Variants in FMN2 observed in about 807,000 individuals in gnomAD.
The protein encoded by FMN2 is formin 2, also known as formin-2.
FMN2 carries 51 observed loss-of-function variants against 142.3 expected under a neutral mutation model. The observed-to-expected ratio is 0.36, with a 90% CI of 0.29 to 0.45. The LOEUF (loss-of-function observed/expected upper bound fraction) is 0.45. FMN2 is among the 20% of genes least tolerant of loss of function. The probability of loss-of-function intolerance (pLI) is 1.00; values close to 1 mark genes in which losing one functional copy is unlikely to be tolerated. For missense variants in FMN2, 1,936 were observed against 2,122.8 expected (o/e 0.91, Z 1.73); for synonymous variants, 882 against 869.8 (o/e 1.01, Z -0.25).
chr1:240,188,682 T>C (rs1283315256), intron 4 of FMN2, among the ~76,000 whole-genome samples: 14 of 152,236 alleles, frequency 9.2e-5, no homozygotes, highest in Admixed American at 9.2e-4. Flanking sequence ...GGATGAAACA[T>C]TAATTAGTAT....
intron 8 of FMN2, among the ~76,000 whole-genome samples, chr1:240,305,951 G>GTT (rs10577212): frequency 1.1e-4 from 13 of 121,754 alleles, no homozygotes; most frequent in Non-Finnish European, 1.4e-4. Flanking sequence ...ATGCTTGTAA[G>GTT]TTTTTTTTTT....
intron 8 of FMN2, among the ~76,000 whole-genome samples, chr1:240,311,852 G>A (rs967280331): frequency 1.3e-5 from 2 of 152,126 alleles, no homozygotes; most frequent in African/African-American, 2.4e-5. Flanking sequence ...AAGAGACAAG[G>A]TCTCGCTCTC....
chr1:240,127,306 C>T (rs1468555882), intron 2 of FMN2, among the ~76,000 whole-genome samples: 1 of 151,694 alleles, frequency 6.6e-6, no homozygotes, highest in African/African-American at 2.4e-5. Context: ...CTCCTGACCT[C>T]CAGTGATCTG....
At chr1:240,301,000 T>G (rs376228123) in intron 8 of FMN2, among the ~76,000 whole-genome samples, 5 of 152,168 alleles carry the variant, frequency 3.3e-5, no homozygotes, top group African/African-American at 1.2e-4. Flanking sequence ...TCTGTGTTTT[T>G]TATTCATTGT....
chr1:240,462,131 A>G (rs16840114), intron 16 of FMN2, among the ~76,000 whole-genome samples: 10,026 of 152,094 alleles, frequency 0.066, 418 homozygotes, highest in Middle Eastern at 0.14. Context: ...GTATCCTCTC[A>G]TGTAGCCATC....
At chr1:240,240,403 A>G (rs1667852735) in intron 6 of FMN2, among the ~76,000 whole-genome samples, 1 of 152,232 alleles carries the variant, frequency 6.6e-6, no homozygotes, top group Non-Finnish European at 1.5e-5. Context: ...CTGAATACAT[A>G]CTTGCTACAA....
chr1:240,343,484 G>A (rs2103031401), intron 13 of FMN2, among the ~76,000 whole-genome samples: 1 of 152,206 alleles, frequency 6.6e-6, no homozygotes, highest in East Asian at 1.9e-4. Context: ...AACCCTTCAG[G>A]GAAGGTTGAT....
chr1:240,216,162 T>A (rs1666887226), intron 6 of FMN2, among the ~76,000 whole-genome samples: 1 of 152,180 alleles, frequency 6.6e-6, no homozygotes, highest in Non-Finnish European at 1.5e-5. Flanking sequence ...GGCATATAAA[T>A]AGTGGTTAGA....
intron 13 of FMN2, among the ~76,000 whole-genome samples, chr1:240,337,085 G>A (rs531409897): frequency 1.8e-4 from 28 of 151,572 alleles, no homozygotes; most frequent in African/African-American, 3.1e-4. Context: ...AGATATGTAC[G>A]TCTATCTGAC....
At chr1:240,422,577 G>A (rs182784402) in intron 15 of FMN2, among the ~76,000 whole-genome samples, 1 of 152,142 alleles carries the variant, frequency 6.6e-6, no homozygotes, top group Non-Finnish European at 1.5e-5. Context: ...AAGCAGTTGA[G>A]TTTTGTATAT....
chr1:240,201,698 C>A (rs1666128243), intron 4 of FMN2, among the ~76,000 whole-genome samples: 2 of 152,012 alleles, frequency 1.3e-5, no homozygotes, highest in Non-Finnish European at 2.9e-5. Flanking sequence ...AAATGACACC[C>A]TTACTTAATT....
intron 8 of FMN2, among the ~76,000 whole-genome samples, chr1:240,307,427 T>C (rs1488835625): frequency 6.6e-6 from 1 of 152,180 alleles, no homozygotes; most frequent in Non-Finnish European, 1.5e-5. Context: ...TTATGTGTGG[T>C]AAGAGGTAGT....
At chr1:240,171,794 A>C (rs1664712695) in intron 2 of FMN2, among the ~76,000 whole-genome samples, 1 of 152,194 alleles carries the variant, frequency 6.6e-6, no homozygotes, top group African/African-American at 2.4e-5. Flanking sequence ...ATAGCTGCTA[A>C]AAGTAACTTT....
At position 240,239,714 on chromosome 1, in the gene FMN2, C is replaced by T. The variant is rs77288443; in HGVS notation, c.4066-18231C>T. ...TCCCTATAAAAGGGCCAGAAAGAAA[C>T]ATCATGCCATTGGCCAAAGAGCAGG... On this transcript the variant is annotated intron_variant, in intron 6 of 17. Transcript: ENST00000319653. Among the ~76,000 whole-genome samples, 367 of 152,342 alleles carry T rather than the reference C, an allele frequency of 2.4e-3. 2 individuals carry two copies. Among genetic ancestry groups the T allele is most frequent in the African/African-American group, 8.1e-3 (337 of 41,578 alleles).
chr1:240,103,524 C>T (rs556363349), intron 1 of FMN2, among the ~76,000 whole-genome samples: 2 of 152,324 alleles, frequency 1.3e-5, no homozygotes, highest in South Asian at 4.1e-4. Flanking sequence ...AAGGCATTGC[C>T]GTCTAGCTTT....
intron 14 of FMN2, among the ~76,000 whole-genome samples, chr1:240,373,432 A>T (rs1240000214): frequency 6.6e-6 from 1 of 152,228 alleles, no homozygotes; most frequent in East Asian, 1.9e-4. Context: ...TTTTACCCAC[A>T]GTAGAACTTC....
At chr1:240,196,057 G>T (rs1448235968) in intron 4 of FMN2, among the ~76,000 whole-genome samples, 1 of 152,196 alleles carries the variant, frequency 6.6e-6, no homozygotes, top group African/African-American at 2.4e-5. Flanking sequence ...ATATCCTTTT[G>T]CAGTAGGCAG....
chr1:240,094,024 C>G (rs1558291651), intron 1 of FMN2, among the ~76,000 whole-genome samples: 1 of 152,198 alleles, frequency 6.6e-6, no homozygotes, highest in African/African-American at 2.4e-5. Context: ...CGGGTCACGC[C>G]AGGGAGATAA....
At chr1:240,211,033 T>C in intron 5 of FMN2, 58 bp from the exon 6 acceptor site, 5 of 1,526,958 alleles carry the variant, frequency 3.3e-6, no homozygotes, top group Non-Finnish European at 4.4e-6. Context: ...CTATTTATGC[T>C]TGCTGTGATG....
Sources: allele counts gnomAD v4.1 joint callset (sites outside exome capture counted in the v4.1 genomes callset), GRCh38; gene constraint gnomAD v4.1.1; transcripts MANE v1.5; gene names NCBI Gene and HGNC (gene_info 2026-07-23, HGNC 2026-07-21).